Variants in GAL3ST2 observed in about 807,000 individuals in gnomAD.
The protein encoded by GAL3ST2 is galactose-3-O-sulfotransferase 2, also known as beta-galactose-3-O-sulfotransferase 2.
In GAL3ST2, 16 loss-of-function variants were observed where a neutral mutation model predicts 12.9. The ratio of observed to expected loss-of-function variants is 1.24; its 90% CI spans 0.84 to 1.88. The LOEUF is 1.88. Among genes scored for constraint, GAL3ST2 ranks in the 40% most tolerant of loss-of-function variants. GAL3ST2 has a pLI of 0.00. For synonymous variants in GAL3ST2, 302 were observed against 273.9 expected, an observed-to-expected ratio of 1.10 and a Z score of -1.01; for missense variants, 639 against 571.8, an observed-to-expected ratio of 1.12 and a Z score of -1.20.
In GAL3ST2 at chr2:241,776,988, A is replaced by AG; in HGVS notation, c.29+10dup. 4 of 1,536,152 alleles carry AG rather than the reference A, an allele frequency of 2.6e-6. No individual in the cohort carries two copies. The highest frequency in any genetic ancestry group is 1.9e-5 in the Admixed American group (1 of 53,742). On this transcript the variant is annotated splice_donor_region_variant and intron_variant, in intron 1 of 3. Transcript: ENST00000192314. ...CCATGCTGGGCGGCTTGCAGAGGTA[A>AG]GGGGGGCAGTTGGACCCCCCAGGTG...
rs1291338572 is a variant in GAL3ST2, at chr2:241,804,169, G to C, written c.*3G>C. 7.0e-7 allele frequency: 1 copy of C among 1,422,892 alleles called. No individual in the cohort carries two copies. Among genetic ancestry groups the C allele is most frequent in the African/African-American group, 1.5e-5 (1 of 66,950 alleles). 88.1% of individuals were successfully genotyped at this position (1,422,892 alleles called of 1,614,324 possible). ...ACATCCCGTTCCTGGGGGCGTAGAGGGGCCGGGCCGGGGACGAGGCCTCCT... is the reference window on the plus strand; with the variant it reads ...ACATCCCGTTCCTGGGGGCGTAGAGCGGCCGGGCCGGGGACGAGGCCTCCT... On this transcript the variant is annotated 3_prime_UTR_variant, in exon 4 of 4. Coordinates refer to ENST00000192314, the MANE Select transcript of GAL3ST2 (RefSeq NM_022134.3).
intron 1 of GAL3ST2, among the ~76,000 whole-genome samples, chr2:241,796,900 G>A (rs1469389861): frequency 6.6e-6 from 1 of 152,188 alleles, no homozygotes; most frequent in Non-Finnish European, 1.5e-5. Flanking sequence ...CAGCCCCAGG[G>A]GTGCCTTGAG....
In GAL3ST2 at chr2:241,803,596, C is replaced by T. The variant is rs373797728; in HGVS notation, c.627C>T (p.Tyr209=). ...CCAACGCGCAGTGCGAGGAGGGCTA[C>T]GTGCGCGCGCGCATCGCCGAGGTGG... The part of the protein sequence containing the change: ...FDPNAQCEEG[Y]VRARIAEVER... The change falls in exon 4 of 4, where the codon TAC becomes TAT. Residue 209 remains tyrosine, a synonymous_variant. Coordinates refer to ENST00000192314, the MANE Select transcript of GAL3ST2 (RefSeq NM_022134.3). 1 of 1,573,708 alleles carries T rather than the reference C, an allele frequency of 6.4e-7. No individual in the cohort carries two copies. The highest frequency in any genetic ancestry group is 1.2e-5 in the South Asian group (1 of 86,874).
chr2:241,798,572 C>A (rs1164776393), intron 1 of GAL3ST2, among the ~76,000 whole-genome samples: 1 of 152,152 alleles, frequency 6.6e-6, no homozygotes, highest in African/African-American at 2.4e-5. Flanking sequence ...TAACACCTCC[C>A]AGAGGCCCCA....
At chr2:241,791,953 A>G (rs1699697327) in intron 1 of GAL3ST2, among the ~76,000 whole-genome samples, 1 of 149,448 alleles carries the variant, frequency 6.7e-6, no homozygotes. Flanking sequence ...TAATGTTTGC[A>G]ATTTTTTTCA....
intron 3 of GAL3ST2, 34 bp from the exon 4 acceptor site, chr2:241,803,311 G>T: frequency 6.5e-7 from 1 of 1,530,822 alleles, no homozygotes; most frequent in Non-Finnish European, 8.8e-7. Flanking sequence ...GCCTGGGCCC[G>T]CGGTCCGCAG....
At chr2:241,796,189 C>T (rs916110193) in intron 1 of GAL3ST2, among the ~76,000 whole-genome samples, 3 of 152,170 alleles carry the variant, frequency 2.0e-5, no homozygotes, top group Admixed American at 6.5e-5. Flanking sequence ...CTGGGGGTTC[C>T]GGTGTGGACT....
intron 1 of GAL3ST2, among the ~76,000 whole-genome samples, chr2:241,782,354 C>T (rs1418555149): frequency 2.0e-5 from 3 of 151,880 alleles, no homozygotes; most frequent in Admixed American, 2.0e-4. Flanking sequence ...GAGATGGAGT[C>T]TCGCTCTGTT....
chr2:241,783,988 TA>T (rs1699597645), intron 1 of GAL3ST2, among the ~76,000 whole-genome samples: 1 of 152,090 alleles, frequency 6.6e-6, no homozygotes, highest in East Asian at 1.9e-4. Flanking sequence ...GTAATCTTAC[TA>T]AATTCAAGCT....
chr2:241,789,537 G>A (rs185776789), intron 1 of GAL3ST2, among the ~76,000 whole-genome samples: 2 of 152,196 alleles, frequency 1.3e-5, no homozygotes, highest in Non-Finnish European at 2.9e-5. Flanking sequence ...AGATTATCAA[G>A]AATTTGAAAG....
chr2:241,800,670 C>G lies in GAL3ST2; in HGVS notation c.120-1111C>G. On this transcript the variant is annotated intron_variant, in intron 2 of 3. Coordinates refer to ENST00000192314, the MANE Select transcript of GAL3ST2 (RefSeq NM_022134.3). The surrounding 1 kb of genome is among the most constrained non-coding windows in gnomAD (Gnocchi z 5.2). ...TGCTCAGGGGACAGTTACTGAAATG[C>G]GGCTCTTGTCCGATGGCAGCTGTGG... Among the ~76,000 whole-genome samples the G allele has an allele frequency of 6.6e-6, 1 of 152,200 alleles. No individual in the cohort carries two copies. Among genetic ancestry groups the G allele is most frequent in the East Asian group, 1.9e-4 (1 of 5,190 alleles).
At chr2:241,799,190 T>G in intron 2 of GAL3ST2, 36 bp downstream of exon 2, 3,173 of 1,354,586 alleles carry the variant, frequency 2.3e-3, no homozygotes, top group Non-Finnish European at 3.0e-3. Flanking sequence ...CTGCCCCGGG[T>G]ACCTCCTAAC....
At chr2:241,792,471 T>C (rs1003174835) in intron 1 of GAL3ST2, among the ~76,000 whole-genome samples, 4 of 152,220 alleles carry the variant, frequency 2.6e-5, no homozygotes, top group African/African-American at 9.7e-5. Flanking sequence ...TTTCATGGCC[T>C]ACCAATGTAT....
chr2:241,795,569 G>A lies in GAL3ST2; in HGVS notation c.30-3496G>A, dbSNP rs74677324. Among the ~76,000 whole-genome samples the A allele has an allele frequency of 7.9e-5, 12 of 152,312 alleles. No individual in the cohort carries two copies. Among genetic ancestry groups the A allele is most frequent in the East Asian group, 5.8e-4 (3 of 5,166 alleles). Reference sequence around the variant, plus strand: ...AGAAACCCTGCTGGTGAAGTCCTGCGTGGGCCTTATCAGTGAGTTAATCTC... The same window carrying A: ...AGAAACCCTGCTGGTGAAGTCCTGCATGGGCCTTATCAGTGAGTTAATCTC... On this transcript the variant is annotated intron_variant, in intron 1 of 3. Coordinates refer to ENST00000192314, the MANE Select transcript of GAL3ST2 (RefSeq NM_022134.3). The surrounding 1 kb of genome is among the most constrained non-coding windows in gnomAD (Gnocchi z 4.5).
intron 1 of GAL3ST2, 152 bp from the exon 2 acceptor site, chr2:241,798,913 C>A: frequency 1.5e-6 from 1 of 673,586 alleles, no homozygotes; most frequent in Non-Finnish European, 2.7e-6. Context: ...GCCCATGGGC[C>A]GGCACCCAGT....
At chr2:241,794,022 C>G (rs1393358742) in intron 1 of GAL3ST2, among the ~76,000 whole-genome samples, 1 of 152,152 alleles carries the variant, frequency 6.6e-6, no homozygotes, top group Non-Finnish European at 1.5e-5. Flanking sequence ...TCAAGGCTCA[C>G]TGCAGCCTCG....
chr2:241,789,124 G>A (rs911214326), intron 1 of GAL3ST2, among the ~76,000 whole-genome samples: 2 of 152,212 alleles, frequency 1.3e-5, no homozygotes, highest in Non-Finnish European at 2.9e-5. Flanking sequence ...GAGTTCTTAC[G>A]TCCCCTTTTC....
At chr2:241,778,135 A>G (rs1045039223) in intron 1 of GAL3ST2, among the ~76,000 whole-genome samples, 1 of 152,174 alleles carries the variant, frequency 6.6e-6, no homozygotes, top group African/African-American at 2.4e-5. Context: ...GGAAGCCCCG[A>G]GTCACTTCCC....
At position 241,803,735 on chromosome 2, in the gene GAL3ST2, C is replaced by A. The variant is rs1006637263; in HGVS notation, c.766C>A (p.Arg256Ser). The A allele has an allele frequency of 2.6e-6, 4 of 1,529,896 alleles. No individual in the cohort carries two copies. The highest frequency in any genetic ancestry group is 3.5e-6 in the Non-Finnish European group (4 of 1,140,858). The allele number at this position is 1,529,896 out of a possible 1,614,324, so 94.8% of individuals were successfully genotyped here. ...DDVVAFRLNSRSARSVARLSP... is the reference protein window; with the variant it reads ...DDVVAFRLNSSSARSVARLSP... ...CGTGGTGGCCTTCAGGCTCAACTCC[C>A]GCAGCGCGCGCTCCGTGGCCCGCCT... The change falls in exon 4 of 4, where the codon CGC (arginine) becomes AGC (serine). Residue 256 changes from arginine (R) to serine (S), a missense_variant. Coordinates refer to ENST00000192314, the MANE Select transcript of GAL3ST2 (RefSeq NM_022134.3).
Sources: allele counts gnomAD v4.1 joint callset (sites outside exome capture counted in the v4.1 genomes callset), GRCh38; gene constraint gnomAD v4.1.1; non-coding constraint Gnocchi (gnomAD v3.1); transcripts MANE v1.5; gene names NCBI Gene and HGNC (gene_info 2026-07-23, HGNC 2026-07-21).